PLEKHG1: variants seen among roughly 807,000 people sequenced by gnomAD.
PLEKHG1 encodes the protein pleckstrin homology and RhoGEF domain containing G1.
In PLEKHG1, 44 loss-of-function variants were observed where a neutral mutation model predicts 100.8. That is an observed-to-expected ratio of 0.44 (90% confidence interval 0.34 to 0.56). The LOEUF is 0.56. Among genes scored for constraint, PLEKHG1 ranks in the 20% least tolerant of loss-of-function variants. PLEKHG1 has a pLI of 0.01. For missense variants in PLEKHG1, 1,545 were observed against 1,720.9 expected (o/e 0.90, Z 1.81); for synonymous variants, 640 against 662.5 (o/e 0.97, Z 0.52).
intron 2 of PLEKHG1, among the ~76,000 whole-genome samples, chr6:150,750,780 C>CAAAAAAAAAAA (rs1158670858): frequency 2.7e-5 from 1 of 37,404 alleles, no homozygotes; most frequent in African/African-American, 1.0e-4. Context: ...GACTCCATCT[C>CAAAAAAAAAAA]AAAAAAAAAA....
intron 3 of PLEKHG1, among the ~76,000 whole-genome samples, chr6:150,706,992 CTTTTTCTT>C (rs1781043594): frequency 1.7e-5 from 1 of 58,496 alleles, no homozygotes; most frequent in East Asian, 5.3e-4. Flanking sequence ...TTTTCTTTTT[CTTTTTCTT>C]TTTTTTTTTT....
chr6:150,650,069 AAAAAG>A (rs1301925354), intron 2 of PLEKHG1, among the ~76,000 whole-genome samples: 3 of 150,118 alleles, frequency 2.0e-5, no homozygotes, highest in African/African-American at 4.9e-5. Context: ...AAAAAAAAAA[AAAAAG>A]AAAGAAAAAA....
At chr6:150,610,917 G>A (rs1776802091) in intron 1 of PLEKHG1, among the ~76,000 whole-genome samples, 1 of 152,190 alleles carries the variant, frequency 6.6e-6, no homozygotes, top group South Asian at 2.1e-4. Context: ...ATAAATTGTA[G>A]AGGTAAGAAG....
intron 10 of PLEKHG1, among the ~76,000 whole-genome samples, chr6:150,812,711 AGCAGAT>A (rs1457602580): frequency 6.6e-6 from 1 of 152,166 alleles, no homozygotes; most frequent in Non-Finnish European, 1.5e-5. Context: ...CGAGTCCATG[AGCAGAT>A]GGCAGGGAAG....
chr6:150,790,537 C>G (rs749501055), intron 4 of PLEKHG1, among the ~76,000 whole-genome samples: 1 of 152,152 alleles, frequency 6.6e-6, no homozygotes, highest in Non-Finnish European at 1.5e-5. Flanking sequence ...ACCCTTTCAC[C>G]CACCAGTCCT....
chr6:150,811,911 G>A (rs1330114985), intron 10 of PLEKHG1, among the ~76,000 whole-genome samples: 2 of 152,184 alleles, frequency 1.3e-5, no homozygotes, highest in African/African-American at 4.8e-5. Flanking sequence ...AGTGGCAGGA[G>A]TGAGGTTGGA....
chr6:150,841,153 G>C, exon 16 of PLEKHG1: 2 of 609,848 alleles, frequency 3.3e-6, no homozygotes, highest in South Asian at 1.7e-5. Context: ...AATCTTACTT[G>C]AAAGTTTTTA....
intron 1 of PLEKHG1, among the ~76,000 whole-genome samples, chr6:150,622,306 A>G (rs1777334175): frequency 6.6e-6 from 1 of 152,216 alleles, no homozygotes; most frequent in Admixed American, 6.5e-5. Flanking sequence ...TACTACTTTC[A>G]GTAACAAAGA....
chr6:150,672,928 C>T (rs1779627161), intron 3 of PLEKHG1, among the ~76,000 whole-genome samples: 1 of 152,178 alleles, frequency 6.6e-6, no homozygotes, highest in Non-Finnish European at 1.5e-5. Context: ...CTTATTTCCC[C>T]CTTCAAATTG....
chr6:150,786,399 G>A lies in PLEKHG1; in HGVS notation c.522G>A (p.Leu174=), dbSNP rs756484581. Residue 174 remains leucine (L), a synonymous_variant, in exon 4 of 16, where the codon CTG becomes CTA. Transcript: ENST00000358517. ...GTTATTTTTTTATTAGTGAACTTCT[G>A]CAAGATTTGGAAAACTGTGAAAATG... 8 of 1,610,412 alleles carry A rather than the reference G, an allele frequency of 5.0e-6. 1 individual carries two copies. The South Asian group carries it at 7.7e-5, about 15-fold the overall frequency.
chr6:150,759,279 A>G (rs1480468014), intron 2 of PLEKHG1, among the ~76,000 whole-genome samples: 4 of 152,186 alleles, frequency 2.6e-5, no homozygotes, highest in Non-Finnish European at 5.9e-5. Context: ...GGCAGTGGGT[A>G]CCGCATGTGA....
chr6:150,816,402 C>T (rs1292190308), intron 10 of PLEKHG1, among the ~76,000 whole-genome samples: 1 of 117,422 alleles, frequency 8.5e-6, no homozygotes, highest in Non-Finnish European at 1.6e-5. Context: ...TGCAGTGGTG[C>T]TGCAACCTCT....
intron 3 of PLEKHG1, among the ~76,000 whole-genome samples, chr6:150,702,879 C>CCT (rs1418407928): frequency 1.1e-4 from 16 of 152,126 alleles, no homozygotes; most frequent in Non-Finnish European, 2.9e-5. Flanking sequence ...TAGCTGATGA[C>CCT]CTGCTGCGTT....
intron 2 of PLEKHG1, among the ~76,000 whole-genome samples, chr6:150,737,281 A>ATTCCTTT (rs1298907384): frequency 5.1e-5 from 6 of 117,032 alleles, no homozygotes; most frequent in African/African-American, 1.6e-4. Flanking sequence ...TCATATGGGT[A>ATTCCTTT]TTTTTTTTTT....
intron 3 of PLEKHG1, chr6:150,651,011 C>T (rs1778708335): frequency 6.6e-6 from 1 of 152,136 alleles, no homozygotes; most frequent in Non-Finnish European, 1.5e-5. Context: ...ATTGTTTTTC[C>T]TATACATGCA....
intron 1 of PLEKHG1, chr6:150,721,252 C>CCAGAGGGAAGGAGCGT: frequency 1.2e-6 from 1 of 846,090 alleles, no homozygotes; most frequent in Non-Finnish European, 1.4e-6. Flanking sequence ...ACAAACGCTC[C>CCAGAGGGAAGGAGCGT]TTCCCTCTGG....
intron 1 of PLEKHG1, among the ~76,000 whole-genome samples, chr6:150,730,697 G>A (rs537325527): frequency 2.0e-5 from 3 of 152,238 alleles, no homozygotes; most frequent in East Asian, 1.9e-4. Context: ...GCGGTCAGGA[G>A]TTCGAGACCA....
At chr6:150,652,559 A>G (rs557645113) in intron 3 of PLEKHG1, among the ~76,000 whole-genome samples, 2 of 152,130 alleles carry the variant, frequency 1.3e-5, no homozygotes, top group African/African-American at 4.8e-5. Context: ...CGTCGCTATT[A>G]AAAATACAAA....
At position 150,839,939 on chromosome 6, in the gene PLEKHG1, C is replaced by T; in HGVS notation, c.3201C>T (p.Leu1067=). The change falls in exon 16 of 16, where the codon CTC becomes CTT. Residue 1067 remains leucine (L), a synonymous_variant. Coordinates refer to ENST00000358517, the Ensembl canonical transcript of PLEKHG1. Reference sequence around the variant, plus strand: ...GGGCCAGCCCTCAAGAATCCTCCCTCCTGAGGTCTGTGTCACCTTCCCAGG... The same window carrying T: ...GGGCCAGCCCTCAAGAATCCTCCCTTCTGAGGTCTGTGTCACCTTCCCAGG... 1.9e-6 allele frequency: 3 copies of T among 1,614,050 alleles called. No homozygotes were observed. The South Asian group carries it at 3.3e-5, about 18-fold the overall frequency.
Sources: gnomAD v4.1 joint callset for allele counts (sites outside exome capture counted in the v4.1 genomes callset) on GRCh38, gnomAD v4.1.1 for gene constraint, MANE v1.5 for transcripts, NCBI Gene and HGNC (gene_info 2026-07-23, HGNC 2026-07-21) for gene names.